The following CFAP20DC variants were observed in gnomAD, a reference collection of about 807,000 sequenced individuals.
CFAP20DC encodes the protein protein CFAP20DC.
CFAP20DC carries 84 observed loss-of-function variants against 101.7 expected under a neutral mutation model. The ratio of observed to expected loss-of-function variants is 0.83; its 90% CI spans 0.69 to 0.99. The LOEUF (loss-of-function observed/expected upper bound fraction) is 0.99, where lower values mean the gene tolerates loss of function less well. Among genes scored for constraint, CFAP20DC ranks in the 50% least tolerant of loss-of-function variants. CFAP20DC has a pLI of 0.00. For missense variants in CFAP20DC, 1,007 were observed against 970.3 expected, an observed-to-expected ratio of 1.04 and a Z score of -0.50; for synonymous variants, 359 against 351.2, an observed-to-expected ratio of 1.02 and a Z score of -0.25.
chr3:58,982,458 A>G (rs1018850246), intron 4 of CFAP20DC, among the ~76,000 whole-genome samples: 39 of 152,100 alleles, frequency 2.6e-4, no homozygotes, highest in African/African-American at 9.4e-4. Context: ...CTTGGAACCA[A>G]ATGTCCAACA....
intron 13 of CFAP20DC, among the ~76,000 whole-genome samples, chr3:58,847,910 C>G (rs1225670050): frequency 1.1e-5 from 1 of 87,556 alleles, no homozygotes; most frequent in Non-Finnish European, 2.5e-5. Flanking sequence ...AGTAAACTAT[C>G]GCAAGAACAA....
intron 4 of CFAP20DC, among the ~76,000 whole-genome samples, chr3:59,038,805 A>G (rs139731580): frequency 1.1e-3 from 166 of 152,272 alleles, no homozygotes; most frequent in Middle Eastern, 0.01. Flanking sequence ...AAAGCAGTAT[A>G]GAATCATCTT....
chr3:58,748,719 A>G (rs116235370), intron 16 of CFAP20DC, among the ~76,000 whole-genome samples: 123 of 152,328 alleles, frequency 8.1e-4, no homozygotes, highest in African/African-American at 2.9e-3. Flanking sequence ...GAAAGCTTCA[A>G]GAAAATACAA....
At chr3:58,946,595 C>T (rs1212128813) in intron 4 of CFAP20DC, among the ~76,000 whole-genome samples, 2 of 152,282 alleles carry the variant, frequency 1.3e-5, no homozygotes, top group South Asian at 2.1e-4. Flanking sequence ...ACCCCAGTAT[C>T]GCCTGTCACC....
rs2084304385 is a variant in CFAP20DC, at chr3:58,912,976, T to TC, written c.550+731dup. ...CACACCCTTCCTAATTTGATGACTT[T>TC]CCCACACAATGAGTCCTGCCTCCTT... On this transcript the variant is annotated intron_variant, in intron 6 of 16. Transcript: ENST00000482387. The surrounding 1 kb of genome is among the most constrained non-coding windows in gnomAD (Gnocchi z 4.4). 6.6e-6 allele frequency among the ~76,000 whole-genome samples: 1 copy of TC among 152,114 alleles called. No individual in the cohort carries two copies. Among genetic ancestry groups the TC allele is most frequent in the East Asian group, 1.9e-4 (1 of 5,196 alleles).
chr3:58,949,005 G>A, intron 4 of CFAP20DC, among the ~76,000 whole-genome samples: 1 of 151,940 alleles, frequency 6.6e-6, no homozygotes, highest in African/African-American at 2.4e-5. Context: ...ACTTCTTCCT[G>A]GTTTAGTCTT....
At chr3:58,837,009 T>G (rs1400890072) in intron 13 of CFAP20DC, among the ~76,000 whole-genome samples, 1 of 152,056 alleles carries the variant, frequency 6.6e-6, no homozygotes, top group Non-Finnish European at 1.5e-5. Flanking sequence ...GTTCCAGCCA[T>G]CAGGCAGAAA....
intron 14 of CFAP20DC, among the ~76,000 whole-genome samples, chr3:58,823,693 A>C (rs577710603): frequency 8.5e-5 from 13 of 152,286 alleles, no homozygotes; most frequent in African/African-American, 3.1e-4. Flanking sequence ...TGTTTATTCC[A>C]GCTCGAGAGT....
At chr3:58,993,065 T>C (rs966995746) in intron 4 of CFAP20DC, among the ~76,000 whole-genome samples, 1 of 152,164 alleles carries the variant, frequency 6.6e-6, no homozygotes, top group Non-Finnish European at 1.5e-5. Context: ...TGGGGAGTAC[T>C]TTTCCAATTG....
intron 3 of CFAP20DC, among the ~76,000 whole-genome samples, chr3:58,719,729 G>C (rs2067444740): frequency 6.6e-6 from 1 of 152,238 alleles, no homozygotes; most frequent in Non-Finnish European, 1.5e-5. Flanking sequence ...TCTTCCCAAA[G>C]AGCCAGCTCA....
At chr3:58,909,614 T>C (rs1029491460) in intron 6 of CFAP20DC, among the ~76,000 whole-genome samples, 7 of 152,192 alleles carry the variant, frequency 4.6e-5, no homozygotes, top group Admixed American at 3.3e-4. Flanking sequence ...ACAGTCTGCC[T>C]ATAGATGTGC....
chr3:58,900,385 G>T (rs1374011841), intron 6 of CFAP20DC, among the ~76,000 whole-genome samples: 1 of 152,178 alleles, frequency 6.6e-6, no homozygotes. Flanking sequence ...GTTAGTCTTT[G>T]TTCAGCTATA....
chr3:58,856,130 C>A (rs189201755), intron 12 of CFAP20DC, among the ~76,000 whole-genome samples: 15 of 150,066 alleles, frequency 1.0e-4, no homozygotes, highest in South Asian at 4.2e-4. Flanking sequence ...TAAAAAAAAA[C>A]CCCTCTCCTA....
Position 58,831,760 on chromosome 3 carries a change from G to A in CFAP20DC, c.2101C>T (p.Gln701Ter). 1.2e-6 allele frequency: 2 copies of A among 1,614,046 alleles called. No individual in the cohort carries two copies. The highest frequency in any genetic ancestry group is 1.7e-6 in the Non-Finnish European group (2 of 1,179,972). Residue 701 changes from glutamine to a stop codon, truncating the protein, a stop_gained, in exon 14 of 17, where the codon CAG becomes TAG. Transcript: ENST00000482387. LOFTEE classifies it high-confidence loss of function. ...AGTSHGLSAS[Q>*]VDNCNVSIST... ...ATGCTGACATTACAGTTGTCCACCT[G>A]GGAGGCACTCAGGCCATGGGAGGTC...
At position 58,799,352 on chromosome 3, in the gene CFAP20DC, G is replaced by A. The variant is rs1575670642; in HGVS notation, c.2237+7043C>T. 2.0e-5 allele frequency among the ~76,000 whole-genome samples: 3 copies of A among 152,192 alleles called. No individual in the cohort carries two copies. The South Asian group carries it at 6.2e-4, about 32-fold the overall frequency. On this transcript the variant is annotated intron_variant, in intron 15 of 16. Transcript: ENST00000482387. The surrounding 1 kb of genome is among the most constrained non-coding windows in gnomAD (Gnocchi z 4.9). ...ATGATATCAGATACTTTATATTCTGGATATCTTTTAAGGGATCTTTAAAAC... is the reference window on the plus strand; with the variant it reads ...ATGATATCAGATACTTTATATTCTGAATATCTTTTAAGGGATCTTTAAAAC...
intron 14 of CFAP20DC, among the ~76,000 whole-genome samples, chr3:58,807,364 T>A (rs557391776): frequency 1.5e-4 from 23 of 152,064 alleles, no homozygotes; most frequent in Non-Finnish European, 2.6e-4. Context: ...TCCTCTGAGA[T>A]AAAACTTCCA....
At chr3:58,744,657 C>T (rs1185987992) in intron 16 of CFAP20DC, among the ~76,000 whole-genome samples, 1 of 152,002 alleles carries the variant, frequency 6.6e-6, no homozygotes, top group Non-Finnish European at 1.5e-5. Context: ...AGCAGCCCTT[C>T]TGGATTCAAG....
chr3:59,028,391 GAA>G (rs1407768666), intron 4 of CFAP20DC, among the ~76,000 whole-genome samples: 1 of 152,128 alleles, frequency 6.6e-6, no homozygotes, highest in Non-Finnish European at 1.5e-5. Context: ...GGTAAAGATA[GAA>G]ATATCTCAGC....
intron 4 of CFAP20DC, among the ~76,000 whole-genome samples, chr3:59,031,770 T>C (rs1432640298): frequency 1.3e-5 from 2 of 152,250 alleles, no homozygotes; most frequent in Non-Finnish European, 2.9e-5. Context: ...AATATCTAAA[T>C]TCATATAAAT....
Sources: allele counts gnomAD v4.1 joint callset (sites outside exome capture counted in the v4.1 genomes callset), GRCh38; gene constraint gnomAD v4.1.1; non-coding constraint Gnocchi (gnomAD v3.1); transcripts MANE v1.5; gene names NCBI Gene and HGNC (gene_info 2026-07-23, HGNC 2026-07-21).